FANCI: variants seen among roughly 807,000 people sequenced by gnomAD.
FANCI encodes the protein Fanconi anemia group I protein.
In FANCI, 156 loss-of-function variants were observed where a neutral mutation model predicts 176.1. The observed-to-expected ratio is 0.89, with a 90% CI of 0.78 to 1.01. FANCI has a LOEUF of 1.01. FANCI is among the 50% of genes least tolerant of loss of function. The pLI, the probability that FANCI is intolerant of heterozygous loss-of-function variation, is 0.00. For missense variants in FANCI, 1,678 were observed against 1,534.1 expected (o/e 1.09, Z -1.57); for synonymous variants, 613 against 541.7 (o/e 1.13, Z -1.83).
chr15:89,291,606 T>A lies in FANCI; in HGVS notation c.1891-7T>A, dbSNP rs2054073383. 1.2e-6 allele frequency: 2 copies of A among 1,610,866 alleles called. No homozygotes were observed. The highest frequency in any genetic ancestry group is 2.7e-5 in the African/African-American group (2 of 74,868). On this transcript the variant is annotated splice_polypyrimidine_tract_variant and splice_region_variant and intron_variant, in intron 19 of 37. Transcript: ENST00000310775. ...CCAAGATGTCTTTTTTTTCTTACTATACACAGTTAAAACAGTTCTATGAGC... is the reference window on the plus strand; with the variant it reads ...CCAAGATGTCTTTTTTTTCTTACTAAACACAGTTAAAACAGTTCTATGAGC...
intron 18 of FANCI, among the ~76,000 whole-genome samples, chr15:89,288,194 T>C (rs182328508): frequency 1.3e-5 from 2 of 152,352 alleles, no homozygotes; most frequent in Non-Finnish European, 2.9e-5. Context: ...GCCACTCTTC[T>C]TTAGGGTGAG....
At chr15:89,258,069 ATT>A (rs113274691) in intron 2 of FANCI, among the ~76,000 whole-genome samples, 1 of 144,922 alleles carries the variant, frequency 6.9e-6, no homozygotes, top group African/African-American at 2.5e-5. Flanking sequence ...AGCCATGTTG[ATT>A]TTTTTTTTTT....
At chr15:89,269,950 A>G (rs1228041375) in intron 10 of FANCI, among the ~76,000 whole-genome samples, 1 of 152,060 alleles carries the variant, frequency 6.6e-6, no homozygotes, top group East Asian at 1.9e-4. Flanking sequence ...AGCTGGGACT[A>G]CAAGTGCGTG....
chr15:89,309,711 CCT>C (rs1415684483), intron 34 of FANCI, among the ~76,000 whole-genome samples: 4 of 152,052 alleles, frequency 2.6e-5, no homozygotes, highest in African/African-American at 9.7e-5. Flanking sequence ...AGCGTGAGAC[CCT>C]GTCTCAAGAA....
In FANCI at chr15:89,315,392, C is replaced by T. The variant is rs766430678; in HGVS notation, c.3924+3C>T. ...ATGGTGAAGATGAAAATGAAGAGGTCAGTGCTGGCTTCTGTCTGGAGCCCA... is the reference window on the plus strand; with the variant it reads ...ATGGTGAAGATGAAAATGAAGAGGTTAGTGCTGGCTTCTGTCTGGAGCCCA... On this transcript the variant is annotated splice_donor_region_variant and intron_variant, in intron 37 of 37. Transcript: ENST00000310775. 14 of 1,594,454 alleles carry T rather than the reference C, an allele frequency of 8.8e-6. No individual in the cohort carries two copies. The highest frequency in any genetic ancestry group is 1.1e-5 in the Non-Finnish European group (13 of 1,162,350).
At chr15:89,290,557 CA>C in intron 19 of FANCI, 1 of 420,972 alleles carries the variant, frequency 2.4e-6, no homozygotes, top group Non-Finnish European at 4.4e-6. Context: ...ATATAAGGAC[CA>C]TTGCAACTGT....
chr15:89,306,316 T>G (rs2054716218), intron 32 of FANCI, 122 bp downstream of exon 32: 2 of 988,996 alleles, frequency 2.0e-6, no homozygotes, highest in Non-Finnish European at 3.1e-6. Context: ...TGCCTCCATC[T>G]TGGCAGGTCA....
intron 2 of FANCI, among the ~76,000 whole-genome samples, chr15:89,250,914 A>G: frequency 6.6e-6 from 1 of 151,766 alleles, no homozygotes; most frequent in East Asian, 1.9e-4. Context: ...TCCCAACTCA[A>G]AAACCTAGAA....
At chr15:89,278,428 A>C (rs925101683) in intron 13 of FANCI, among the ~76,000 whole-genome samples, 3 of 152,204 alleles carry the variant, frequency 2.0e-5, no homozygotes, top group African/African-American at 7.2e-5. Flanking sequence ...TTTGATGCTG[A>C]ACCTTATATG....
At chr15:89,316,327 T>TC in intron 37 of FANCI, 70 bp from the exon 38 acceptor site, 2 of 1,470,396 alleles carry the variant, frequency 1.4e-6, no homozygotes, top group Non-Finnish European at 1.9e-6. Flanking sequence ...GTCTTTTTTT[T>TC]CCTTCTTTTT....
In FANCI at chr15:89,291,668, C is replaced by G. The variant is rs777466822; in HGVS notation, c.1946C>G (p.Ala649Gly). 10 of 1,613,686 alleles carry G rather than the reference C, an allele frequency of 6.2e-6. No individual in the cohort carries two copies. Among genetic ancestry groups the G allele is most frequent in the Non-Finnish European group, 8.5e-6 (10 of 1,179,842 alleles). Residue 649 changes from alanine to glycine, a missense_variant, in exon 20 of 38, where the codon GCT becomes GGT. By Grantham distance (60) the Ala-to-Gly change is moderately conservative. Around this residue, in one of 3 missense-constraint regions of FANCI, gnomAD observed 1,204 missense variants for 1,077.4 expected, o/e 1.12. Coordinates refer to ENST00000310775, the MANE Select transcript of FANCI (RefSeq NM_001113378.2). Reference protein sequence around the residue: ...PDLLPPLKLEACILTQGDKIS... With the variant: ...PDLLPPLKLEGCILTQGDKIS... ...CTGCTGCCTCCTCTGAAATTAGAAG[C>G]TTGTATTCTGACCCAAGGAGATAAG...
chr15:89,304,521 G>A (rs1316606793), intron 28 of FANCI, among the ~76,000 whole-genome samples: 1 of 152,198 alleles, frequency 6.6e-6, no homozygotes, highest in Non-Finnish European at 1.5e-5. Context: ...AGTTAGGAGG[G>A]AGTCCCTAGA....
chr15:89,314,838 C>A, intron 36 of FANCI, 131 bp downstream of exon 36: 3 of 77,284 alleles, frequency 3.9e-5, no homozygotes, highest in Non-Finnish European at 4.2e-5. Context: ...CCCCCCTCTC[C>A]CCCCCCCCCC....
chr15:89,307,719 T>A, intron 34 of FANCI, 47 bp downstream of exon 34: 2 of 1,614,104 alleles, frequency 1.2e-6, no homozygotes, highest in Non-Finnish European at 1.7e-6. Context: ...AGAAAGGATT[T>A]CTTACATGCC....
chr15:89,260,583 C>A, intron 3 of FANCI, 130 bp from the exon 4 acceptor site: 1 of 1,223,190 alleles, frequency 8.2e-7, no homozygotes. Flanking sequence ...CATTGCTGTT[C>A]TAAGCACCGT....
chr15:89,290,328 C>G, intron 19 of FANCI, 47 bp downstream of exon 19: 1 of 1,415,930 alleles, frequency 7.1e-7, no homozygotes, highest in Non-Finnish European at 1.0e-6. Flanking sequence ...CATCAAGGAT[C>G]GAGAGACAGT....
rs562291945 is a variant in FANCI, at chr15:89,296,630, A to G, written c.2636+1536A>G. On this transcript the variant is annotated intron_variant, in intron 24 of 37. Transcript: ENST00000310775. ...GACATGGCAACCATCCGATTTCTCA[A>G]TCTTTTCCCCACCTTTCCCCCCTTT... 4.0e-3 allele frequency among the ~76,000 whole-genome samples: 609 copies of G among 152,164 alleles called. 8 individuals carry two copies. Among genetic ancestry groups the G allele is most frequent in the East Asian group, 0.015 (77 of 5,144 alleles).
At chr15:89,311,869 A>G (rs959419931) in intron 34 of FANCI, among the ~76,000 whole-genome samples, 4 of 152,106 alleles carry the variant, frequency 2.6e-5, no homozygotes, top group Non-Finnish European at 4.4e-5. Context: ...AAAGCTGCCT[A>G]CATTTCTGTA....
intron 1 of FANCI, chr15:89,245,177 CT>C (rs71149284): frequency 5.8e-5 from 8 of 137,878 alleles, no homozygotes; most frequent in Non-Finnish European, 6.0e-5. Flanking sequence ...CTTTTCTTTT[CT>C]TTTTTTTTTG....
Sources: gnomAD v4.1 joint callset for allele counts (sites outside exome capture counted in the v4.1 genomes callset) on GRCh38, gnomAD v4.1.1 for gene constraint, gnomAD v4.1.1 regional missense constraint, MANE v1.5 for transcripts, NCBI Gene and HGNC (gene_info 2026-07-23, HGNC 2026-07-21) for gene names.